The following EXOC6B variants were observed in gnomAD, a reference collection of about 807,000 sequenced individuals.
EXOC6B encodes SEC15 homolog B.
EXOC6B carries 54 observed loss-of-function variants against 113.5 expected under a neutral mutation model. The ratio of observed to expected loss-of-function variants is 0.48; its 90% CI spans 0.38 to 0.60. The LOEUF (loss-of-function observed/expected upper bound fraction) is 0.60. Ranked by LOEUF, EXOC6B falls within the 20% of genes least tolerant of loss-of-function variation. The probability of loss-of-function intolerance (pLI) is 0.00; values close to 1 mark genes in which losing one functional copy is unlikely to be tolerated. For missense variants in EXOC6B, 797 were observed against 977.5 expected (o/e 0.82, Z 2.46); for synonymous variants, 357 against 339.0 (o/e 1.05, Z -0.58).
chr2:72,311,186 T>C (rs1014484757), intron 20 of EXOC6B, among the ~76,000 whole-genome samples: 2 of 152,244 alleles, frequency 1.3e-5, no homozygotes, highest in African/African-American at 2.4e-5. Flanking sequence ...TATTACCTCA[T>C]AGTTCTGCAG....
At chr2:72,483,193 A>T (rs1354579938) in intron 16 of EXOC6B, among the ~76,000 whole-genome samples, 1 of 152,240 alleles carries the variant, frequency 6.6e-6, no homozygotes, top group African/African-American at 2.4e-5. Flanking sequence ...AAAATCATTT[A>T]AAAATATTTA....
rs1677920805 is a variant in EXOC6B at position 72,179,096 on chromosome 2, C to T, written c.*239G>A. 1 of 462,038 alleles carries T rather than the reference C, an allele frequency of 2.2e-6. No homozygotes were observed. The highest frequency in any genetic ancestry group is 3.8e-6 in the Non-Finnish European group (1 of 265,510). 28.6% of individuals were successfully genotyped at this position (462,038 alleles called of 1,614,324 possible). ...GATGATACCACCATCTCTAAGATAA[C>T]ACAGATAGTGTAGTAATAACTTCCC... On this transcript the variant is annotated 3_prime_UTR_variant, in exon 22 of 22. Coordinates refer to ENST00000272427, the MANE Select transcript of EXOC6B (RefSeq NM_015189.3).
At chr2:72,606,905 C>T (rs1183287494) in intron 6 of EXOC6B, among the ~76,000 whole-genome samples, 1 of 152,064 alleles carries the variant, frequency 6.6e-6, no homozygotes, top group Non-Finnish European at 1.5e-5. Flanking sequence ...GCCACCATGC[C>T]CAGCCAACTT....
At chr2:72,537,772 G>C (rs1702381824) in intron 8 of EXOC6B, among the ~76,000 whole-genome samples, 2 of 152,118 alleles carry the variant, frequency 1.3e-5, no homozygotes, top group South Asian at 4.1e-4. Flanking sequence ...TCTTATTAAT[G>C]AATCAGGTTG....
At chr2:72,562,453 A>C (rs912479679) in intron 7 of EXOC6B, among the ~76,000 whole-genome samples, 2 of 152,112 alleles carry the variant, frequency 1.3e-5, no homozygotes, top group Non-Finnish European at 2.9e-5. Flanking sequence ...TCTCCCCTCA[A>C]GTTGCAAAGA....
intron 18 of EXOC6B, among the ~76,000 whole-genome samples, chr2:72,406,790 A>C (rs1198135032): frequency 6.6e-6 from 1 of 152,228 alleles, no homozygotes; most frequent in African/African-American, 2.4e-5. Flanking sequence ...CACAATTAAA[A>C]GAACTAGAGA....
chr2:72,352,893 A>G (rs1365491788), intron 19 of EXOC6B, among the ~76,000 whole-genome samples: 4 of 152,172 alleles, frequency 2.6e-5, no homozygotes, highest in African/African-American at 9.7e-5. Flanking sequence ...TTCCTGGTTT[A>G]TACCCTATAA....
chr2:72,253,408 G>A (rs544878242), intron 20 of EXOC6B, among the ~76,000 whole-genome samples: 5 of 152,066 alleles, frequency 3.3e-5, no homozygotes, highest in Admixed American at 6.6e-5. Context: ...ATATTTTTCC[G>A]AGCACTATTC....
chr2:72,735,790 G>A (rs1439766807), intron 2 of EXOC6B, among the ~76,000 whole-genome samples: 1 of 151,852 alleles, frequency 6.6e-6, no homozygotes, highest in Non-Finnish European at 1.5e-5. Flanking sequence ...AGCCAAGATC[G>A]TGCCACTTCA....
intron 1 of EXOC6B, among the ~76,000 whole-genome samples, chr2:72,758,531 G>A (rs931957976): frequency 1.3e-5 from 2 of 152,056 alleles, no homozygotes; most frequent in African/African-American, 4.8e-5. Context: ...CACATCATAG[G>A]TGCCATGTTT....
intron 7 of EXOC6B, among the ~76,000 whole-genome samples, chr2:72,568,056 T>A (rs561241902): frequency 2.6e-5 from 4 of 152,030 alleles, no homozygotes; most frequent in African/African-American, 9.7e-5. Context: ...GGTACCTTTA[T>A]GGTGAAGAAA....
intron 20 of EXOC6B, among the ~76,000 whole-genome samples, chr2:72,291,350 G>A (rs1189815749): frequency 6.6e-6 from 1 of 152,328 alleles, no homozygotes; most frequent in Non-Finnish European, 1.5e-5. Context: ...TTAAAAGGCT[G>A]CCATGTCGGA....
At chr2:72,395,943 A>C (rs1007681255) in intron 18 of EXOC6B, among the ~76,000 whole-genome samples, 2 of 152,154 alleles carry the variant, frequency 1.3e-5, no homozygotes, top group East Asian at 1.9e-4. Flanking sequence ...TATTGTCCAT[A>C]GGTTAAGGGA....
chr2:72,606,565 CAAAT>C (rs1288030625), intron 6 of EXOC6B, among the ~76,000 whole-genome samples: 1 of 150,658 alleles, frequency 6.6e-6, no homozygotes, highest in Admixed American at 6.6e-5. Flanking sequence ...CCTTTCTCTA[CAAAT>C]AAATAAAGTT....
At chr2:72,777,013 G>A (rs1379155076) in intron 1 of EXOC6B, among the ~76,000 whole-genome samples, 1 of 152,164 alleles carries the variant, frequency 6.6e-6, no homozygotes, top group Non-Finnish European at 1.5e-5. Context: ...GGCTGAGGTG[G>A]TAGGACCACC....
chr2:72,244,164 T>C (rs1682506721), intron 20 of EXOC6B, among the ~76,000 whole-genome samples: 1 of 152,128 alleles, frequency 6.6e-6, no homozygotes, highest in South Asian at 2.1e-4. Context: ...AAGATATACC[T>C]TAACAGATTT....
At chr2:72,685,791 A>T (rs1270974155) in intron 6 of EXOC6B, among the ~76,000 whole-genome samples, 1 of 152,234 alleles carries the variant, frequency 6.6e-6, no homozygotes, top group South Asian at 2.1e-4. Context: ...CAATGCCTAA[A>T]AGGCATTTCA....
chr2:72,592,328 A>C (rs1706022345), intron 6 of EXOC6B, among the ~76,000 whole-genome samples: 1 of 152,174 alleles, frequency 6.6e-6, no homozygotes, highest in African/African-American at 2.4e-5. Context: ...AAAGGATTAG[A>C]AAATAGACAC....
At chr2:72,234,227 A>G (rs1005031031) in intron 20 of EXOC6B, among the ~76,000 whole-genome samples, 1 of 151,952 alleles carries the variant, frequency 6.6e-6, no homozygotes. Flanking sequence ...CTGGGATTAC[A>G]GGCACGTGCC....
Sources: allele counts gnomAD v4.1 joint callset (sites outside exome capture counted in the v4.1 genomes callset), GRCh38; gene constraint gnomAD v4.1.1; transcripts MANE v1.5; gene names NCBI Gene and HGNC (gene_info 2026-07-23, HGNC 2026-07-21).